Variants in NOD1 observed in about 807,000 individuals in gnomAD.
NOD1 encodes nucleotide binding oligomerization domain containing 1.
In NOD1, 70 loss-of-function variants were observed where a neutral mutation model predicts 81.2. The ratio of observed to expected loss-of-function variants is 0.86; its 90% CI spans 0.71 to 1.05. The LOEUF is 1.05. Ranked by LOEUF, NOD1 falls within the 50% of genes least tolerant of loss-of-function variation. NOD1 has a pLI of 0.00. For missense variants in NOD1, 1,233 were observed against 1,228.0 expected (o/e 1.00, Z -0.06); for synonymous variants, 508 against 526.9 (o/e 0.96, Z 0.49).
At chr7:30,426,192 GCCACGGCCTTGTTTGTATGT>G (rs1255477541) in intron 13 of NOD1, among the ~76,000 whole-genome samples, 1 of 152,028 alleles carries the variant, frequency 6.6e-6, no homozygotes, top group African/African-American at 2.4e-5. Flanking sequence ...TCTCATCAAT[GCCACGGCCTTGTTTGTATGT>G]CCGTGGAGGC....
At chr7:30,455,063 G>A (rs1786197160) in intron 5 of NOD1, 74 bp downstream of exon 5, 2 of 1,462,838 alleles carry the variant, frequency 1.4e-6, no homozygotes, top group Admixed American at 3.6e-5. Flanking sequence ...ACTCAGGGCT[G>A]GCCCAGCCAT....
At position 30,452,013 on chromosome 7, in the gene NOD1, G is replaced by A. The variant is rs1330519956; in HGVS notation, c.1404C>T (p.His468=). Residue 468 remains histidine (H), a synonymous_variant, in exon 6 of 14, where the codon CAC becomes CAT. Transcript: ENST00000222823. ...DTLCSLGQVA[H]RGMEKSLFVF... ...CAAAGAGGCTCTTCTCCATGCCCCGGTGGGCCACCTGCCCCAGCGAGCACA... is the reference window on the plus strand; with the variant it reads ...CAAAGAGGCTCTTCTCCATGCCCCGATGGGCCACCTGCCCCAGCGAGCACA... The A allele has an allele frequency of 1.9e-6, 3 of 1,613,412 alleles. No individual in the cohort carries two copies. The highest frequency in any genetic ancestry group is 2.7e-5 in the African/African-American group (2 of 74,926).
chr7:30,464,395 C>T (rs887018855), intron 1 of NOD1, among the ~76,000 whole-genome samples: 3 of 152,210 alleles, frequency 2.0e-5, no homozygotes, highest in African/African-American at 7.2e-5. Context: ...GCTGTTCATT[C>T]CTTCTACAGA....
At chr7:30,477,129 G>A (rs975482944) in intron 1 of NOD1, among the ~76,000 whole-genome samples, 1 of 152,176 alleles carries the variant, frequency 6.6e-6, no homozygotes, top group Non-Finnish European at 1.5e-5. Flanking sequence ...CAGAATCCGA[G>A]TTTTGACCCA....
chr7:30,470,378 C>T (rs150185257), intron 1 of NOD1, among the ~76,000 whole-genome samples: 17 of 152,324 alleles, frequency 1.1e-4, no homozygotes, highest in Admixed American at 2.6e-4. Context: ...CAAGGGAGGG[C>T]GACCATCTGG....
chr7:30,460,327 G>A, intron 1 of NOD1: 1 of 985,430 alleles, frequency 1.0e-6, no homozygotes, highest in Non-Finnish European at 1.2e-6. Context: ...GCTGGCCCTG[G>A]GGGGCAATCC....
chr7:30,455,361 C>T (rs1029685029), intron 4 of NOD1, 50 bp from the exon 5 acceptor site: 2 of 1,519,644 alleles, frequency 1.3e-6, no homozygotes, highest in Non-Finnish European at 1.8e-6. Context: ...GGGGCATCCT[C>T]CTACCATAAG....
rs1252123042 is a variant in NOD1 at position 30,452,940 on chromosome 7, G to A, written c.477C>T (p.Tyr159=). The change falls in exon 6 of 14, where the codon TAC becomes TAT. Residue 159 remains tyrosine (Y), a synonymous_variant. Coordinates refer to ENST00000222823, the MANE Select transcript of NOD1 (RefSeq NM_006092.4). ...QKEELLLEEI[Y]MDTIMELVGF... ...CAACCAGCTCCATGATGGTGTCCAT[G>A]TAGATCTCCTCCAGCAGCAGCTCCT... 3 of 1,613,996 alleles carry A rather than the reference G, an allele frequency of 1.9e-6. No homozygotes were observed. Among genetic ancestry groups the A allele is most frequent in the South Asian group, 1.1e-5 (1 of 91,080 alleles).
chr7:30,453,105 A>G, intron 5 of NOD1, 65 bp from the exon 6 acceptor site: 1 of 1,526,258 alleles, frequency 6.6e-7, no homozygotes, highest in East Asian at 2.3e-5. Flanking sequence ...AGCATCAAAC[A>G]GGGAGGTCTC....
rs2128069878 is a variant in NOD1 at position 30,456,840 on chromosome 7, C to T, written c.82G>A (p.Glu28Lys). ...PHIQLLKSNR[E>K]LLVTHIRNTQ... Reference sequence around the variant, plus strand: ...TTGCGGATGTGAGTGACCAGAAGTTCCCGATTGCTTTTCAGTAATTGAATG... The same window carrying T: ...TTGCGGATGTGAGTGACCAGAAGTTTCCGATTGCTTTTCAGTAATTGAATG... The change falls in exon 4 of 14, where the codon GAA becomes AAA. Residue 28 changes from glutamate to lysine, a missense_variant. Transcript: ENST00000222823. The T allele has an allele frequency of 1.2e-6, 2 of 1,614,178 alleles. No homozygotes were observed. Among genetic ancestry groups the T allele is most frequent in the Non-Finnish European group, 8.5e-7 (1 of 1,180,018 alleles).
At position 30,456,755 on chromosome 7, in the gene NOD1, T is replaced by A; in HGVS notation, c.167A>T (p.Glu56Val). 6.2e-7 allele frequency: 1 copy of A among 1,614,088 alleles called. No individual in the cohort carries two copies. Among genetic ancestry groups the A allele is most frequent in the Non-Finnish European group, 8.5e-7 (1 of 1,180,028 alleles). ...CTGGGTGGGGCAGGCACACACAATC[T>A]CCGCATCTTCGGCCGAGAAGTAGTC... ...KNDYFSAEDA[E>V]IVCACPTQPD... The change falls in exon 4 of 14, where the codon GAG (glutamate) becomes GTG (valine). Residue 56 changes from glutamate to valine, a missense_variant. By Grantham distance (121) the Glu-to-Val change is moderately radical. Coordinates refer to ENST00000222823, the MANE Select transcript of NOD1 (RefSeq NM_006092.4).
In NOD1 at chr7:30,456,769, C is replaced by T. The variant is rs550405108; in HGVS notation, c.153G>A (p.Ser51=). ...CACACACAATCTCCGCATCTTCGGC[C>T]GAGAAGTAGTCATTCTTCAGCAAGT... ...VDNLLKNDYF[S]AEDAEIVCAC... Residue 51 remains serine, a synonymous_variant, in exon 4 of 14, where the codon TCG becomes TCA. Transcript: ENST00000222823. The T allele has an allele frequency of 1.4e-5, 23 of 1,614,090 alleles. No homozygotes were observed. Among genetic ancestry groups the T allele is most frequent in the African/African-American group, 1.1e-4 (8 of 74,986 alleles).
rs1249322311 is a variant in NOD1, at chr7:30,467,151, A to G, written c.-351-7110T>C. On this transcript the variant is annotated intron_variant, in intron 1 of 13. Coordinates refer to ENST00000222823, the MANE Select transcript of NOD1 (RefSeq NM_006092.4). The surrounding 1 kb of genome is among the most constrained non-coding windows in gnomAD (Gnocchi z 4.5). ...AGTTGCAGAAAGAAATATAGAGTAT[A>G]ATAACATTTATATGGCTTGCCCACA... Among the ~76,000 whole-genome samples, 7 of 152,202 alleles carry G rather than the reference A, an allele frequency of 4.6e-5. No individual in the cohort carries two copies. Among genetic ancestry groups the G allele is most frequent in the Non-Finnish European group, 7.3e-5 (5 of 68,036 alleles).
Position 30,451,366 on chromosome 7 carries a change from T to A in NOD1, c.2051A>T (p.Tyr684Phe), listed in dbSNP as rs768265597. The change falls in exon 6 of 14, where the codon TAC becomes TTC. Residue 684 changes from tyrosine to phenylalanine, a missense_variant. Coordinates refer to ENST00000222823, the MANE Select transcript of NOD1 (RefSeq NM_006092.4). The surrounding 1 kb of genome is among the most constrained non-coding windows in gnomAD (Gnocchi z 4.2). ...GCAGTCGGCCGAGCAGGCGTTGCAG[T>A]AGGTCAGCTTGAGGTAGTTGGCGCA... ...GICANYLKLTYCNACSADCSA... is the reference protein window; with the variant it reads ...GICANYLKLTFCNACSADCSA... 2 of 1,614,174 alleles carry A rather than the reference T, an allele frequency of 1.2e-6. No homozygotes were observed. The highest frequency in any genetic ancestry group is 2.2e-5 in the South Asian group (2 of 91,088).
At chr7:30,429,040 G>A (rs939324586) in intron 13 of NOD1, among the ~76,000 whole-genome samples, 1 of 152,188 alleles carries the variant, frequency 6.6e-6, no homozygotes, top group Non-Finnish European at 1.5e-5. Context: ...CTGAGTCCCA[G>A]GGGGATTTAC....
In NOD1 at chr7:30,451,184, C is replaced by A; in HGVS notation, c.2201+32G>T. ...CCCTCCGAGCCTGGCCCGCCCGGCC[C>A]ACCTGTTGCTCCCCTTGCCTGGCAG... On this transcript the variant is annotated intron_variant, in intron 6 of 13. Transcript: ENST00000222823. This position sits in a 1 kb window ranked among gnomAD's most constrained non-coding sequence, Gnocchi z 4.2. 11 of 1,600,710 alleles carry A rather than the reference C, an allele frequency of 6.9e-6. No individual in the cohort carries two copies. The highest frequency in any genetic ancestry group is 9.4e-6 in the Non-Finnish European group (11 of 1,172,134).
chr7:30,433,749 G>A (rs1784147111), intron 11 of NOD1, among the ~76,000 whole-genome samples: 1 of 152,104 alleles, frequency 6.6e-6, no homozygotes, highest in African/African-American at 2.4e-5. Context: ...AACAGGGTAG[G>A]ACCCACTTGT....
At chr7:30,435,484 C>T (rs889875990) in intron 11 of NOD1, among the ~76,000 whole-genome samples, 2 of 152,138 alleles carry the variant, frequency 1.3e-5, no homozygotes, top group Admixed American at 1.3e-4. Context: ...TCCAGGCTCC[C>T]GGAGCCCACT....
intron 5 of NOD1, among the ~76,000 whole-genome samples, chr7:30,453,408 G>A (rs573652258): frequency 1.3e-5 from 2 of 152,232 alleles, no homozygotes; most frequent in East Asian, 3.9e-4. Context: ...AGATGGCCAC[G>A]CTGGCCCTCC....
Sources: allele counts gnomAD v4.1 joint callset (sites outside exome capture counted in the v4.1 genomes callset), GRCh38; gene constraint gnomAD v4.1.1; non-coding constraint Gnocchi (gnomAD v3.1); transcripts MANE v1.5; gene names NCBI Gene and HGNC (gene_info 2026-07-23, HGNC 2026-07-21).